Variants in NUP214 observed in about 807,000 individuals in gnomAD.
NUP214 encodes nucleoporin 214.
A neutral mutation model predicts 196.2 loss-of-function variants in NUP214; 79 were observed. The observed-to-expected ratio is 0.40, with a 90% confidence interval of 0.34 to 0.49. NUP214 has a LOEUF of 0.49. NUP214 is among the 20% of genes least tolerant of loss of function. The probability of loss-of-function intolerance (pLI) is 0.58; values close to 1 mark genes in which losing one functional copy is unlikely to be tolerated. For synonymous variants in NUP214, 1,020 were observed against 990.5 expected (o/e 1.03, Z -0.56); for missense variants, 2,468 against 2,539.0 (o/e 0.97, Z 0.60).
chr9:131,148,136 A>G (rs1467214650), intron 14 of NUP214, among the ~76,000 whole-genome samples: 2 of 152,190 alleles, frequency 1.3e-5, no homozygotes, highest in Non-Finnish European at 2.9e-5. Context: ...AGAACCCCAG[A>G]GTTCTTTTTC....
chr9:131,187,133 T>C, intron 24 of NUP214, 156 bp from the exon 25 acceptor site: 1 of 603,342 alleles, frequency 1.7e-6, no homozygotes. Flanking sequence ...AATTTATCCT[T>C]CAAAAAAAAT....
intron 19 of NUP214, 97 bp from the exon 20 acceptor site, chr9:131,163,773 C>G: frequency 2.5e-6 from 2 of 811,848 alleles, no homozygotes; most frequent in South Asian, 3.2e-5. Context: ...GGGATATTCT[C>G]ATGTCTTGCA....
In NUP214 at chr9:131,163,013, G is replaced by C. The variant is rs758372178; in HGVS notation, c.2563G>C (p.Glu855Gln). Reference protein sequence around the residue: ...KQRHLLVPERETLFNTLANNR... With the variant: ...KQRHLLVPERQTLFNTLANNR... ...CAGGCACCTGCTTGTGCCAGAGCGA[G>C]AGACACTGTTTAACACCCTAGCCAA... Residue 855 changes from glutamate to glutamine, a missense_variant, in exon 19 of 36, where the codon GAG becomes CAG. Physicochemically the swap from Glu to Gln is conservative, Grantham distance 29 (BLOSUM62 2). This residue lies in a region of NUP214 where 1,801 missense variants were observed against 1,779.4 expected (regional missense o/e 1.01). Transcript: ENST00000359428. The C allele has an allele frequency of 1.2e-6, 2 of 1,614,028 alleles. No individual in the cohort carries two copies. The highest frequency in any genetic ancestry group is 1.7e-6 in the Non-Finnish European group (2 of 1,180,018).
chr9:131,160,595 C>T (rs1014242513), intron 18 of NUP214, among the ~76,000 whole-genome samples: 1 of 152,204 alleles, frequency 6.6e-6, no homozygotes, highest in African/African-American at 2.4e-5. Context: ...AACACCTACA[C>T]TTGATTAATG....
intron 30 of NUP214, among the ~76,000 whole-genome samples, chr9:131,214,940 G>T (rs1262463119): frequency 6.6e-6 from 1 of 152,138 alleles, no homozygotes; most frequent in Non-Finnish European, 1.5e-5. Context: ...AGACACTGCG[G>T]GCAGTGTAGC....
intron 2 of NUP214, 40 bp downstream of exon 2, chr9:131,127,759 T>G: frequency 2.1e-6 from 3 of 1,403,766 alleles, no homozygotes; most frequent in South Asian, 1.2e-5. Context: ...GAGAGAGGAG[T>G]ATGGTGGCAT....
intron 9 of NUP214, among the ~76,000 whole-genome samples, chr9:131,137,766 G>A (rs909836759): frequency 6.6e-6 from 1 of 151,966 alleles, no homozygotes; most frequent in Non-Finnish European, 1.5e-5. Context: ...GGCCAGGCTG[G>A]TCTCAAACTC....
In NUP214 at chr9:131,198,230, C is replaced by T. The variant is rs747771935; in HGVS notation, c.4736C>T (p.Thr1579Met). 4.3e-6 allele frequency: 7 copies of T among 1,614,074 alleles called. No individual in the cohort carries two copies. The highest frequency in any genetic ancestry group is 1.1e-5 in the South Asian group (1 of 91,086). ...PATTGVPDARTEAVPPASSFS... is the reference protein window; with the variant it reads ...PATTGVPDARMEAVPPASSFS... ...ACCACGGGGGTCCCTGATGCCAGGA[C>T]GGAGGCAGTACCACCTGCTTCCTCC... is the stretch of plus-strand genomic sequence containing the variant. The change falls in exon 29 of 36, where the codon ACG becomes ATG. Residue 1579 changes from threonine to methionine, a missense_variant. Thr to Met is a moderately conservative substitution (Grantham distance 81). This residue lies in a region of NUP214 where 1,801 missense variants were observed against 1,779.4 expected (regional missense o/e 1.01). Coordinates refer to ENST00000359428, the MANE Select transcript of NUP214 (RefSeq NM_005085.4).
At chr9:131,150,082 C>A in intron 14 of NUP214, 1 of 391,578 alleles carries the variant, frequency 2.6e-6, no homozygotes. Context: ...TTTTATTATT[C>A]AACATGTCCC....
At chr9:131,135,839 G>C (rs1831709902) in intron 8 of NUP214, 101 bp from the exon 9 acceptor site, 2 of 808,580 alleles carry the variant, frequency 2.5e-6, no homozygotes, top group Non-Finnish European at 4.1e-6. Flanking sequence ...CTCTCTCTTT[G>C]ACATGTGGAG....
intron 30 of NUP214, among the ~76,000 whole-genome samples, chr9:131,213,810 A>AG (rs984061540): frequency 2.7e-5 from 4 of 149,488 alleles, no homozygotes; most frequent in Non-Finnish European, 6.0e-5. Flanking sequence ...AGGGGGAAAA[A>AG]AAAGAGACTA....
intron 21 of NUP214, among the ~76,000 whole-genome samples, chr9:131,165,461 TAAAC>T (rs1564192003): frequency 2.6e-5 from 4 of 152,214 alleles, no homozygotes; most frequent in African/African-American, 7.2e-5. Flanking sequence ...CCCTTACTAT[TAAAC>T]AAAATAAATG....
chr9:131,222,969 T>C, intron 32 of NUP214, 39 bp downstream of exon 32: 1 of 1,592,104 alleles, frequency 6.3e-7, no homozygotes, highest in Non-Finnish European at 8.6e-7. Flanking sequence ...TCTTTATATA[T>C]GTATTTGTTT....
intron 17 of NUP214, among the ~76,000 whole-genome samples, chr9:131,156,150 T>C (rs1832431061): frequency 1.2e-5 from 1 of 85,498 alleles, no homozygotes; most frequent in Non-Finnish European, 2.4e-5. Context: ...TTTTTTTTTT[T>C]GAGACGGAGT....
At chr9:131,159,565 T>G in intron 18 of NUP214, 79 bp downstream of exon 18, 2 of 1,265,996 alleles carry the variant, frequency 1.6e-6, no homozygotes, top group Non-Finnish European at 2.2e-6. Context: ...TAGGAACATA[T>G]GAAAATCCCA....
Position 131,218,692 on chromosome 9 carries a change from C to T in NUP214, c.5749+3324C>T, listed in dbSNP as rs540732708. ...TTGTGGTCTGAAAATCCATGCCAAA[C>T]CCGAGTCTTAAGACTGCATTTATTT... On this transcript the variant is annotated intron_variant, in intron 31 of 35. Coordinates refer to ENST00000359428, the MANE Select transcript of NUP214 (RefSeq NM_005085.4). Among the ~76,000 whole-genome samples the T allele has an allele frequency of 4.6e-5, 7 of 152,214 alleles. No individual in the cohort carries two copies. In the East Asian group the frequency reaches 9.7e-4, roughly 21 times the overall value.
chr9:131,177,146 T>G (rs1833142738), intron 23 of NUP214, among the ~76,000 whole-genome samples: 1 of 152,092 alleles, frequency 6.6e-6, no homozygotes, highest in Admixed American at 6.5e-5. Context: ...AATAGTTTGA[T>G]TTAGGAAAAA....
intron 31 of NUP214, among the ~76,000 whole-genome samples, chr9:131,216,239 T>G (rs1261221985): frequency 5.3e-5 from 8 of 151,192 alleles, no homozygotes; most frequent in Admixed American, 2.0e-4. Context: ...TCTTTTTTCT[T>G]TTTGAGACAG....
intron 31 of NUP214, 107 bp from the exon 32 acceptor site, chr9:131,222,671 G>A (rs763229585): frequency 1.0e-4 from 136 of 1,359,092 alleles, no homozygotes; most frequent in Non-Finnish European, 1.3e-4. Flanking sequence ...TAGGCGGCTT[G>A]TCACTCCCAT....
Sources: allele counts gnomAD v4.1 joint callset (sites outside exome capture counted in the v4.1 genomes callset), GRCh38; gene constraint gnomAD v4.1.1; regional missense constraint gnomAD v4.1.1; transcripts MANE v1.5; gene names NCBI Gene and HGNC (gene_info 2026-07-23, HGNC 2026-07-21).